Variants in CFAP77 observed in about 807,000 individuals in gnomAD.
The protein encoded by CFAP77 is cilia and flagella associated protein 77, also known as cilia- and flagella-associated protein 77.
A neutral mutation model predicts 31.1 loss-of-function variants in CFAP77; 25 were observed. The ratio of observed to expected loss-of-function variants is 0.80; its 90% confidence interval spans 0.59 to 1.12. The LOEUF (loss-of-function observed/expected upper bound fraction) is 1.12. Among genes scored for constraint, CFAP77 ranks in the 50% most tolerant of loss-of-function variants. The probability of loss-of-function intolerance (pLI) is 0.00; values close to 1 mark genes in which losing one functional copy is unlikely to be tolerated. For missense variants in CFAP77, 377 were observed against 397.3 expected, an observed-to-expected ratio of 0.95 and a Z score of 0.44; for synonymous variants, 151 against 159.9, an observed-to-expected ratio of 0.94 and a Z score of 0.42.
At chr9:132,531,423 CCCTCTGGGGAGGTGG>C (rs1406741322) in intron 3 of CFAP77, among the ~76,000 whole-genome samples, 1 of 152,142 alleles carries the variant, frequency 6.6e-6, no homozygotes, top group African/African-American at 2.4e-5. Flanking sequence ...TGGGGAGGAG[CCCTCTGGGGAGGTGG>C]CCTCACTACT....
intron 1 of CFAP77, among the ~76,000 whole-genome samples, chr9:132,425,074 T>G (rs1850290528): frequency 6.6e-6 from 1 of 152,216 alleles, no homozygotes; most frequent in African/African-American, 2.4e-5. Flanking sequence ...CCAACAGGCC[T>G]GATCTGGCCT....
At chr9:132,439,064 T>TG (rs1376345402) in intron 1 of CFAP77, among the ~76,000 whole-genome samples, 1 of 151,796 alleles carries the variant, frequency 6.6e-6, no homozygotes, top group Non-Finnish European at 1.5e-5. Context: ...TGAATAGAGA[T>TG]GGGGTCTCAC....
At chr9:132,454,368 C>G (rs1291402760) in intron 1 of CFAP77, among the ~76,000 whole-genome samples, 1 of 152,126 alleles carries the variant, frequency 6.6e-6, no homozygotes, top group Non-Finnish European at 1.5e-5. Flanking sequence ...TATTAAATAA[C>G]CAGTGTAAGT....
At chr9:132,435,650 G>A (rs1262354816) in intron 1 of CFAP77, among the ~76,000 whole-genome samples, 1 of 152,172 alleles carries the variant, frequency 6.6e-6, no homozygotes, top group East Asian at 1.9e-4. Context: ...GTAGACCGGA[G>A]CAGTGTGTCC....
chr9:132,482,350 A>G, intron 1 of CFAP77: 1 of 1,613,956 alleles, frequency 6.2e-7, no homozygotes, highest in Non-Finnish European at 8.5e-7. Context: ...TATTCTGTTT[A>G]TGACTCCTCA....
At position 132,528,401 on chromosome 9, in the gene CFAP77, C is replaced by T. The variant is rs775110777; in HGVS notation, c.525-9200C>T. Among the ~76,000 whole-genome samples the T allele has an allele frequency of 2.2e-3, 324 of 144,956 alleles. 10 individuals carry two copies. The highest frequency in any genetic ancestry group is 0.01 in the Middle Eastern group (3 of 290). On this transcript the variant is annotated intron_variant, in intron 3 of 5. Coordinates refer to ENST00000393216, the MANE Select transcript of CFAP77 (RefSeq NM_001282957.2). The stretch of plus-strand genomic sequence containing the variant: ...AATGTTAGACCTAAAACCATAAAAA[C>T]CCTAGAAGAAAACCTAGGCATTACC...
At chr9:132,505,203 C>G (rs1406989448) in intron 3 of CFAP77, among the ~76,000 whole-genome samples, 1 of 152,214 alleles carries the variant, frequency 6.6e-6, no homozygotes, top group African/African-American at 2.4e-5. Flanking sequence ...AGCCCCCCAA[C>G]CCCCATCCAT....
intron 4 of CFAP77, among the ~76,000 whole-genome samples, chr9:132,538,490 G>A (rs1369377722): frequency 6.6e-6 from 1 of 152,246 alleles, no homozygotes; most frequent in Non-Finnish European, 1.5e-5. Flanking sequence ...TCATACACAT[G>A]TGAAAATACT....
At chr9:132,521,414 C>T (rs766312889) in intron 3 of CFAP77, among the ~76,000 whole-genome samples, 7 of 152,196 alleles carry the variant, frequency 4.6e-5, no homozygotes, top group East Asian at 3.8e-4. Flanking sequence ...AGCTTCTCTA[C>T]TGAGTGCAGA....
chr9:132,514,262 C>T (rs1422761491), intron 3 of CFAP77, among the ~76,000 whole-genome samples: 4 of 152,042 alleles, frequency 2.6e-5, no homozygotes, highest in Non-Finnish European at 4.4e-5. Flanking sequence ...AGACGCCCCT[C>T]CCCTGTGTCA....
At chr9:132,568,638 G>A (rs1829918177) in intron 5 of CFAP77, among the ~76,000 whole-genome samples, 2 of 151,802 alleles carry the variant, frequency 1.3e-5, no homozygotes, top group African/African-American at 2.4e-5. Context: ...TCATGTTAAG[G>A]GTTCCCACCA....
intron 5 of CFAP77, among the ~76,000 whole-genome samples, chr9:132,544,388 C>T (rs2119069726): frequency 6.6e-6 from 1 of 152,292 alleles, no homozygotes; most frequent in African/African-American, 2.4e-5. Context: ...CTACCTTTTC[C>T]AGCCATGTTG....
intron 1 of CFAP77, among the ~76,000 whole-genome samples, chr9:132,430,176 A>T (rs1292697403): frequency 1.3e-5 from 2 of 151,978 alleles, no homozygotes; most frequent in African/African-American, 4.8e-5. Context: ...TCATTCATAA[A>T]TTTTTTAAAA....
chr9:132,473,671 G>A (rs768328827), intron 1 of CFAP77, among the ~76,000 whole-genome samples: 8 of 152,156 alleles, frequency 5.3e-5, no homozygotes, highest in Non-Finnish European at 1.2e-4. Context: ...AACCAGAGCT[G>A]TCGCTGACCT....
chr9:132,546,130 C>T (rs1471643848), intron 5 of CFAP77, among the ~76,000 whole-genome samples: 3 of 152,156 alleles, frequency 2.0e-5, no homozygotes, highest in Non-Finnish European at 4.4e-5. Context: ...AAGACTGAAC[C>T]GCCAGTACAG....
chr9:132,515,071 G>A (rs907427142), intron 3 of CFAP77, among the ~76,000 whole-genome samples: 6 of 152,284 alleles, frequency 3.9e-5, no homozygotes, highest in African/African-American at 1.4e-4. Flanking sequence ...AGGGTGCCAG[G>A]GAACACGTGT....
intron 5 of CFAP77, among the ~76,000 whole-genome samples, chr9:132,544,335 T>G (rs373994449): frequency 2.0e-5 from 3 of 152,176 alleles, no homozygotes; most frequent in Admixed American, 2.0e-4. Context: ...GCAGCTCCTC[T>G]CACCGCTCCT....
chr9:132,529,507 T>TAAAAAAAAAAAAAAAAAAAAAAAAA (rs750691279), intron 3 of CFAP77, among the ~76,000 whole-genome samples: 1 of 108,836 alleles, frequency 9.2e-6, no homozygotes, highest in African/African-American at 3.3e-5. Context: ...TAGAGTATAA[T>TAAAAAAAAAAAAAAAAAAAAAAAAA]AAAAAAAAAA....
At chr9:132,560,817 T>C (rs112982198) in intron 5 of CFAP77, among the ~76,000 whole-genome samples, 4,449 of 152,254 alleles carry the variant, frequency 0.029, 87 homozygotes, top group Middle Eastern at 0.085. Context: ...CACGGTTCAC[T>C]GAGAGTGGTG....
Sources: gnomAD v4.1 joint callset for allele counts (sites outside exome capture counted in the v4.1 genomes callset) on GRCh38, gnomAD v4.1.1 for gene constraint, MANE v1.5 for transcripts, NCBI Gene and HGNC (gene_info 2026-07-23, HGNC 2026-07-21) for gene names.